COMMD1: variants seen among roughly 807,000 people sequenced by gnomAD.
COMMD1 encodes the protein copper metabolism domain containing 1.
In COMMD1, 10 loss-of-function variants were observed where a neutral mutation model predicts 17.2. The ratio of observed to expected loss-of-function variants is 0.58; its 90% CI spans 0.36 to 0.99. The LOEUF (loss-of-function observed/expected upper bound fraction) is 0.99, where lower values mean the gene tolerates loss of function less well. Among genes scored for constraint, COMMD1 ranks in the 50% least tolerant of loss-of-function variants. The probability of loss-of-function intolerance (pLI) is 0.01; values close to 1 mark genes in which losing one functional copy is unlikely to be tolerated. For synonymous variants in COMMD1, 97 were observed against 91.6 expected, an observed-to-expected ratio of 1.06 and a Z score of -0.34; for missense variants, 270 against 231.8, an observed-to-expected ratio of 1.17 and a Z score of -1.07.
At chr2:61,997,422 G>A (rs1273577033) in intron 1 of COMMD1, among the ~76,000 whole-genome samples, 2 of 151,918 alleles carry the variant, frequency 1.3e-5, no homozygotes, top group Non-Finnish European at 2.9e-5. Context: ...TTGATCCGTG[G>A]TCTGCAGAAT....
chr2:62,054,573 C>CTGGA (rs1670634945), intron 2 of COMMD1, among the ~76,000 whole-genome samples: 1 of 152,094 alleles, frequency 6.6e-6, no homozygotes, highest in South Asian at 2.1e-4. Context: ...GCAGCAAGAA[C>CTGGA]TGGAGGTCAT....
At position 61,989,342 on chromosome 2, in the gene COMMD1, C is replaced by T. The variant is rs535778196; in HGVS notation, c.181-11359C>T. Among the ~76,000 whole-genome samples, 6 of 152,112 alleles carry T rather than the reference C, an allele frequency of 3.9e-5. No homozygotes were observed. The South Asian group carries it at 8.3e-4, about 21-fold the overall frequency. ...ATATTGTAACTTCTATGGGTTTTGA[C>T]GTGTATAATGACATGCATCTGGCAT... On this transcript the variant is annotated intron_variant, in intron 1 of 2. Coordinates refer to ENST00000311832, the MANE Select transcript of COMMD1 (RefSeq NM_152516.4).
chr2:61,921,053 C>G (rs1670181008), intron 1 of COMMD1, among the ~76,000 whole-genome samples: 1 of 150,166 alleles, frequency 6.7e-6, no homozygotes, highest in African/African-American at 2.5e-5. Context: ...TCTCGGCTCA[C>G]TGCAACCTTC....
At chr2:61,991,366 G>T (rs1394920049) in intron 1 of COMMD1, among the ~76,000 whole-genome samples, 6 of 152,168 alleles carry the variant, frequency 3.9e-5, no homozygotes, top group Non-Finnish European at 7.3e-5. Flanking sequence ...GCAACATTTA[G>T]AATTTTTTAT....
chr2:61,933,352 C>A (rs1305314629), intron 1 of COMMD1, among the ~76,000 whole-genome samples: 1 of 151,878 alleles, frequency 6.6e-6, no homozygotes, highest in African/African-American at 2.4e-5. Context: ...TGTTGCTCTG[C>A]CAGCTGAAGT....
intron 2 of COMMD1, among the ~76,000 whole-genome samples, chr2:62,134,593 C>G (rs1315400080): frequency 6.7e-6 from 1 of 150,016 alleles, no homozygotes; most frequent in Non-Finnish European, 1.5e-5. Flanking sequence ...CCCCCTACCC[C>G]CATCTCTACA....
At chr2:61,890,621 G>A (rs922435372) in intron 1 of COMMD1, among the ~76,000 whole-genome samples, 1 of 151,760 alleles carries the variant, frequency 6.6e-6, no homozygotes, top group Admixed American at 6.6e-5. Flanking sequence ...TGGGTGGATC[G>A]CTTTAGGTCA....
chr2:61,999,239 A>G (rs1246946947), intron 1 of COMMD1, among the ~76,000 whole-genome samples: 1 of 152,222 alleles, frequency 6.6e-6, no homozygotes, highest in Non-Finnish European at 1.5e-5. Flanking sequence ...TATGCTAAAG[A>G]TTACTGTGCA....
intron 1 of COMMD1, among the ~76,000 whole-genome samples, chr2:61,965,746 C>G (rs779810917): frequency 3.4e-4 from 51 of 152,100 alleles, no homozygotes; most frequent in African/African-American, 1.1e-3. Context: ...GGATTTGGAG[C>G]CTTAAAGTCC....
At chr2:62,055,312 T>TA (rs142152235) in intron 2 of COMMD1, 19,585 of 409,968 alleles carry the variant, frequency 0.048, 1,475 homozygotes, top group African/African-American at 0.23. Flanking sequence ...CCAAAATAAG[T>TA]AAAAAGGAAG....
chr2:61,992,640 T>C (rs557047229), intron 1 of COMMD1, among the ~76,000 whole-genome samples: 1 of 152,198 alleles, frequency 6.6e-6, no homozygotes, highest in Non-Finnish European at 1.5e-5. Context: ...TCTTGGGTAT[T>C]GAAGGATGCC....
chr2:61,972,396 A>G (rs1671673772), intron 1 of COMMD1, among the ~76,000 whole-genome samples: 1 of 152,210 alleles, frequency 6.6e-6, no homozygotes, highest in South Asian at 2.1e-4. Context: ...TAATTTATGT[A>G]GATACTTTGC....
intron 1 of COMMD1, among the ~76,000 whole-genome samples, chr2:61,932,242 A>G (rs1257750313): frequency 1.3e-5 from 2 of 152,234 alleles, no homozygotes; most frequent in Non-Finnish European, 2.9e-5. Context: ...TAAAATGTAT[A>G]CAAAAGGCAC....
intron 2 of COMMD1, among the ~76,000 whole-genome samples, chr2:62,081,625 T>C (rs1040556843): frequency 2.0e-5 from 3 of 152,098 alleles, no homozygotes; most frequent in Non-Finnish European, 4.4e-5. Context: ...TGAGGTTGAG[T>C]CTGTTGTCAT....
At chr2:61,939,618 C>G (rs1009544606) in intron 1 of COMMD1, among the ~76,000 whole-genome samples, 1 of 152,134 alleles carries the variant, frequency 6.6e-6, no homozygotes, top group Non-Finnish European at 1.5e-5. Flanking sequence ...AAGACTCTTA[C>G]TGAACTTATG....
At chr2:61,907,506 G>C (rs1279949204) in intron 1 of COMMD1, among the ~76,000 whole-genome samples, 1 of 152,104 alleles carries the variant, frequency 6.6e-6, no homozygotes, top group Admixed American at 6.6e-5. Flanking sequence ...TCTCCTATGG[G>C]GATGAGGCCT....
intron 1 of COMMD1, among the ~76,000 whole-genome samples, chr2:61,923,091 G>A (rs952970657): frequency 2.6e-5 from 4 of 152,180 alleles, no homozygotes; most frequent in Non-Finnish European, 2.9e-5. Flanking sequence ...GTTCTTTCAG[G>A]CATTTGGAGT....
At chr2:62,040,745 C>G in intron 2 of COMMD1, among the ~76,000 whole-genome samples, 1 of 151,904 alleles carries the variant, frequency 6.6e-6, no homozygotes, top group Non-Finnish European at 1.5e-5. Flanking sequence ...CAGTCTTGCT[C>G]TGTCACCCAA....
intron 2 of COMMD1, among the ~76,000 whole-genome samples, chr2:62,002,661 C>A (rs1320102667): frequency 6.6e-6 from 1 of 150,392 alleles, no homozygotes; most frequent in Non-Finnish European, 1.5e-5. Context: ...AGCCCCATCT[C>A]TTCTACTAAA....
Sources: allele counts gnomAD v4.1 joint callset (sites outside exome capture counted in the v4.1 genomes callset), GRCh38; gene constraint gnomAD v4.1.1; transcripts MANE v1.5; gene names NCBI Gene and HGNC (gene_info 2026-07-23, HGNC 2026-07-21).